DAB1: variants seen among roughly 807,000 people sequenced by gnomAD.
DAB1 encodes disabled homolog 1.
A neutral mutation model predicts 64.6 loss-of-function variants in DAB1; 15 were observed. The observed-to-expected ratio is 0.23, with a 90% CI of 0.16 to 0.36. The LOEUF (loss-of-function observed/expected upper bound fraction) is 0.36, where lower values mean the gene tolerates loss of function less well. Ranked by LOEUF, DAB1 falls within the 10% of genes least tolerant of loss-of-function variation. The pLI is 1.00. For missense variants in DAB1, 596 were observed against 706.7 expected, an observed-to-expected ratio of 0.84 and a Z score of 1.78; for synonymous variants, 235 against 251.9, an observed-to-expected ratio of 0.93 and a Z score of 0.64.
intron 4 of DAB1, among the ~76,000 whole-genome samples, chr1:58,188,611 C>T (rs1421999619): frequency 3.3e-5 from 5 of 152,094 alleles, no homozygotes; most frequent in Admixed American, 6.5e-5. Context: ...GATCACTGGA[C>T]GATTCAGTTG....
intron 5 of DAB1, among the ~76,000 whole-genome samples, chr1:57,917,114 G>A (rs1396559690): frequency 1.3e-5 from 2 of 152,064 alleles, no homozygotes; most frequent in Non-Finnish European, 1.5e-5. Context: ...CTGTCAGCGG[G>A]GCCACTCTCT....
chr1:57,680,711 T>C (rs1179327759), intron 6 of DAB1, among the ~76,000 whole-genome samples: 2 of 152,180 alleles, frequency 1.3e-5, no homozygotes, highest in Non-Finnish European at 2.9e-5. Flanking sequence ...GATTCTTCAT[T>C]CTATTTTGAA....
chr1:57,388,546 G>T (rs1465391983), intron 1 of DAB1, among the ~76,000 whole-genome samples: 1 of 152,102 alleles, frequency 6.6e-6, no homozygotes, highest in Admixed American at 6.5e-5. Flanking sequence ...CACAAACTGA[G>T]CCCCATCCCC....
intron 2 of DAB1, among the ~76,000 whole-genome samples, chr1:57,252,214 T>A (rs540759099): frequency 6.6e-6 from 1 of 152,310 alleles, no homozygotes; most frequent in South Asian, 2.1e-4. Context: ...TGACTAATTA[T>A]CAGCGCAAAT....
intron 4 of DAB1, among the ~76,000 whole-genome samples, chr1:58,191,384 A>AT (rs1407871026): frequency 6.6e-6 from 1 of 152,152 alleles, no homozygotes. Flanking sequence ...GCAGTGGAAC[A>AT]TTTTTCCTTT....
intron 7 of DAB1, among the ~76,000 whole-genome samples, chr1:57,580,279 T>C (rs1489757885): frequency 6.6e-6 from 1 of 152,080 alleles, no homozygotes; most frequent in East Asian, 1.9e-4. Flanking sequence ...ACCACAACAA[T>C]AAGGCTATAT....
chr1:57,429,133 T>A lies in DAB1; in HGVS notation n.626-137967A>T, dbSNP rs74791425. Among the ~76,000 whole-genome samples, 331 of 152,288 alleles carry A rather than the reference T, an allele frequency of 2.2e-3. 6 individuals are homozygous for A. The East Asian group carries it at 0.049, about 23-fold the overall frequency. On this transcript the variant is annotated intron_variant and non_coding_transcript_variant, in intron 7 of 20. Coordinates refer to the DAB1 transcript ENST00000485760. Reference sequence around the variant, plus strand: ...TCTCCCTATGTTTTTCACGCTGATTTTCAACTTTTGGCTTCATGCGATCCT... The same window carrying A: ...TCTCCCTATGTTTTTCACGCTGATTATCAACTTTTGGCTTCATGCGATCCT...
intron 7 of DAB1, among the ~76,000 whole-genome samples, chr1:57,574,511 G>A (rs1437111924): frequency 6.6e-6 from 1 of 152,148 alleles, no homozygotes; most frequent in Non-Finnish European, 1.5e-5. Context: ...AAGTAATTAA[G>A]CATTTCTCCT....
chr1:58,260,752 C>T (rs188072664), intron 4 of DAB1, among the ~76,000 whole-genome samples: 41 of 152,268 alleles, frequency 2.7e-4, no homozygotes, highest in African/African-American at 8.9e-4. Flanking sequence ...CTCTGACTTC[C>T]GCTCATCTTT....
intron 7 of DAB1, among the ~76,000 whole-genome samples, chr1:57,431,153 A>G (rs183349730): frequency 0.029 from 4,341 of 151,618 alleles, 137 homozygotes; most frequent in Non-Finnish European, 0.043. Context: ...CAAAAAAAAA[A>G]AAAAGAAAAA....
At chr1:57,807,420 G>C (rs907432116) in intron 6 of DAB1, among the ~76,000 whole-genome samples, 4 of 152,170 alleles carry the variant, frequency 2.6e-5, no homozygotes, top group African/African-American at 9.7e-5. Context: ...TTGGAGCAGA[G>C]ACAACTTTCC....
At chr1:57,658,701 T>C (rs753371797) in intron 6 of DAB1, among the ~76,000 whole-genome samples, 14 of 152,178 alleles carry the variant, frequency 9.2e-5, no homozygotes, top group African/African-American at 1.7e-4. Flanking sequence ...TAGCTGGGAT[T>C]ACAAGCATAT....
At chr1:57,184,360 C>T (rs1020687941) in intron 2 of DAB1, among the ~76,000 whole-genome samples, 1 of 152,186 alleles carries the variant, frequency 6.6e-6, no homozygotes, top group African/African-American at 2.4e-5. Context: ...TACGCTGCAT[C>T]CGTTCTTGCC....
intron 4 of DAB1, among the ~76,000 whole-genome samples, chr1:58,285,590 A>G (rs1661661960): frequency 6.6e-6 from 1 of 152,202 alleles, no homozygotes; most frequent in Non-Finnish European, 1.5e-5. Context: ...AGAATAAAAT[A>G]CCTAGGAATA....
intron 3 of DAB1, among the ~76,000 whole-genome samples, chr1:58,439,991 C>T (rs907292133): frequency 1.3e-5 from 2 of 152,202 alleles, no homozygotes; most frequent in African/African-American, 2.4e-5. Context: ...CTTATCTCTA[C>T]GTGGTCACCT....
chr1:57,263,411 C>T (rs997978632), intron 2 of DAB1, among the ~76,000 whole-genome samples: 10 of 152,080 alleles, frequency 6.6e-5, no homozygotes, highest in African/African-American at 2.4e-4. Flanking sequence ...TGAGCCACTG[C>T]GCCTGGCTGA....
At chr1:57,754,413 C>A (rs935131351) in intron 6 of DAB1, among the ~76,000 whole-genome samples, 1 of 152,044 alleles carries the variant, frequency 6.6e-6, no homozygotes, top group Non-Finnish European at 1.5e-5. Flanking sequence ...CGGCTGGGCA[C>A]GGTGGCTCAT....
chr1:58,040,919 C>A (rs1346216011), intron 5 of DAB1, among the ~76,000 whole-genome samples: 1 of 152,182 alleles, frequency 6.6e-6, no homozygotes, highest in East Asian at 1.9e-4. Context: ...AAAGGTTGCA[C>A]CTGGGACCCC....
At chr1:57,443,517 C>T (rs1364259677) in intron 7 of DAB1, among the ~76,000 whole-genome samples, 1 of 152,182 alleles carries the variant, frequency 6.6e-6, no homozygotes. Flanking sequence ...TTCTTCAAAG[C>T]CCAACTTAAA....
Sources: gnomAD v4.1 joint callset for allele counts (sites outside exome capture counted in the v4.1 genomes callset) on GRCh38, gnomAD v4.1.1 for gene constraint, MANE v1.5 for transcripts, NCBI Gene and HGNC (gene_info 2026-07-23, HGNC 2026-07-21) for gene names.